The following DHX38 variants were observed in gnomAD, a reference collection of about 807,000 sequenced individuals.
The protein encoded by DHX38 is DEAH-box helicase 38.
Under a neutral mutation model 153.1 loss-of-function variants are expected in DHX38, and 100 were observed. The ratio of observed to expected loss-of-function variants is 0.65; its 90% CI spans 0.56 to 0.77. DHX38 has a LOEUF of 0.77. DHX38 is among the 30% of genes least tolerant of loss of function. The probability of loss-of-function intolerance (pLI) is 0.00; values close to 1 mark genes in which losing one functional copy is unlikely to be tolerated. For missense variants in DHX38, 1,440 were observed against 1,654.0 expected (o/e 0.87, Z 2.24); for synonymous variants, 650 against 631.7 (o/e 1.03, Z -0.43).
chr16:72,098,514 C>T (rs1426745594), intron 4 of DHX38, 131 bp from the exon 5 acceptor site: 17 of 1,165,416 alleles, frequency 1.5e-5, no homozygotes, highest in South Asian at 6.7e-5. Context: ...CGATCTTAAC[C>T]GTTATAGATA....
At chr16:72,097,579 C>T in intron 3 of DHX38, 98 bp from the exon 4 acceptor site, 1 of 1,156,450 alleles carries the variant, frequency 8.6e-7, no homozygotes, top group South Asian at 1.3e-5. Context: ...GCAGGTTGCA[C>T]CTGTGAGTGA....
chr16:72,096,503 G>T, intron 2 of DHX38, 23 bp downstream of exon 2: 1 of 1,573,052 alleles, frequency 6.4e-7, no homozygotes, highest in Non-Finnish European at 8.6e-7. Flanking sequence ...GTATGGGTTA[G>T]CCCAGAGGGA....
In DHX38 at chr16:72,104,936, C is replaced by T; in HGVS notation, c.2152-91C>T. 5 of 1,295,934 alleles carry T rather than the reference C, an allele frequency of 3.9e-6. No individual in the cohort carries two copies. In the South Asian group the frequency reaches 5.6e-5, roughly 14 times the overall value. The allele number at this position is 1,295,934 out of a possible 1,614,324, so 80.3% of individuals were successfully genotyped here. A position where few individuals can be genotyped will look rare whatever the true frequency, so the allele number is the denominator to read the frequency against. On this transcript the variant is annotated intron_variant, in intron 15 of 26. Transcript: ENST00000268482. The surrounding 1 kb of genome is among the most constrained non-coding windows in gnomAD (Gnocchi z 4.5). ...GCCCTCAAAGTCCATGGCTCCATTC[C>T]AGAGCAGTGCCTGGGCCACTGGGCT...
rs1231648948 is a variant in DHX38, at chr16:72,103,938, A to C, written c.1825-8A>C. On this transcript the variant is annotated splice_polypyrimidine_tract_variant and splice_region_variant and intron_variant, in intron 13 of 26. Coordinates refer to ENST00000268482, the MANE Select transcript of DHX38 (RefSeq NM_014003.4). ...CCAGGGCATCTGAGCCATCTCTCTG[A>C]CCTCCAGGTGGGCTATGCCATCCGC... 1.9e-6 allele frequency: 3 copies of C among 1,613,096 alleles called. No individual in the cohort carries two copies. In the Admixed American group the frequency reaches 5.0e-5, roughly 27 times the overall value.
At chr16:72,101,696 T>C (rs1258829229) in intron 11 of DHX38, 84 bp downstream of exon 11, 6 of 1,103,646 alleles carry the variant, frequency 5.4e-6, no homozygotes, top group African/African-American at 1.6e-5. Flanking sequence ...CCCATCGACT[T>C]TGTGGCTCCT....
intron 26 of DHX38, 171 bp from the exon 27 acceptor site, chr16:72,112,242 G>A: frequency 1.6e-6 from 1 of 630,766 alleles, no homozygotes; most frequent in Non-Finnish European, 2.8e-6. Flanking sequence ...TACATCGCCA[G>A]TCGAACATGG....
In DHX38 at chr16:72,108,439, G is replaced by C. The variant is rs774236964; in HGVS notation, c.3121-34G>C. The C allele has an allele frequency of 3.7e-6, 6 of 1,613,572 alleles. No individual in the cohort carries two copies. In the Admixed American group the frequency reaches 8.3e-5, roughly 22 times the overall value. On this transcript the variant is annotated intron_variant, in intron 22 of 26. Coordinates refer to ENST00000268482, the MANE Select transcript of DHX38 (RefSeq NM_014003.4). The stretch of plus-strand genomic sequence containing the variant: ...GAGGGGAGGGTCGAGAGGAAAGGAG[G>C]GCTCCCTCCTGGTGCCTCCGTCTCC...
chr16:72,100,041 G>C (rs2042079637), intron 8 of DHX38, among the ~76,000 whole-genome samples, 154 bp downstream of exon 8: 1 of 152,184 alleles, frequency 6.6e-6, no homozygotes, highest in African/African-American at 2.4e-5. Flanking sequence ...TGGGTGATGA[G>C]CCTTTTAGTA....
At chr16:72,099,692 A>G (rs752574461) in intron 7 of DHX38, 40 bp from the exon 8 acceptor site, 1 of 1,609,926 alleles carries the variant, frequency 6.2e-7, no homozygotes, top group African/African-American at 1.3e-5. Context: ...CATAAACTTG[A>G]TCTGTCCCTC....
At position 72,107,029 on chromosome 16, in the gene DHX38, C is replaced by T. The variant is rs1009237999; in HGVS notation, c.2601-311C>T. Among the ~76,000 whole-genome samples, 3 of 151,864 alleles carry T rather than the reference C, an allele frequency of 2.0e-5. No homozygotes were observed. Among genetic ancestry groups the T allele is most frequent in the Admixed American group, 6.6e-5 (1 of 15,250 alleles). On this transcript the variant is annotated intron_variant, in intron 19 of 26. Coordinates refer to ENST00000268482, the MANE Select transcript of DHX38 (RefSeq NM_014003.4). This position sits in a 1 kb window ranked among gnomAD's most constrained non-coding sequence, Gnocchi z 5.3. The stretch of plus-strand genomic sequence containing the variant: ...ACTAAAAATACAAAAATCAGCTGGG[C>T]GTGGTGGCGGATGCCTGTAGTCCCA...
intron 25 of DHX38, among the ~76,000 whole-genome samples, chr16:72,109,959 C>T (rs1237753036): frequency 2.0e-5 from 3 of 152,200 alleles, no homozygotes; most frequent in Non-Finnish European, 2.9e-5. Flanking sequence ...TTAAATATAA[C>T]CTCTGTGCCG....
At chr16:72,109,229 A>T (rs760403942) in intron 24 of DHX38, among the ~76,000 whole-genome samples, 186 bp from the exon 25 acceptor site, 26 of 152,102 alleles carry the variant, frequency 1.7e-4, no homozygotes, top group Non-Finnish European at 1.8e-4. Flanking sequence ...TTTCTTTTAG[A>T]TACTGGGGGC....
At chr16:72,098,611 G>C in intron 4 of DHX38, 34 bp from the exon 5 acceptor site, 3 of 1,609,892 alleles carry the variant, frequency 1.9e-6, no homozygotes, top group Non-Finnish European at 1.7e-6. Context: ...GGTTAAGTGA[G>C]ATGTTTCCTG....
Position 72,103,606 on chromosome 16 carries a change from A to C in DHX38, c.1642A>C (p.Asn548His). 1 of 1,607,608 alleles carries C rather than the reference A, an allele frequency of 6.2e-7. No homozygotes were observed. Among genetic ancestry groups the C allele is most frequent in the Non-Finnish European group, 8.5e-7 (1 of 1,174,456 alleles). The change falls in exon 13 of 27, where the codon AAC becomes CAC. Residue 548 changes from asparagine to histidine, a missense_variant. This residue lies in a region of DHX38 where 241 missense variants were observed against 229.5 expected (regional missense o/e 1.05). Transcript: ENST00000268482. ...TTTGCCTGCTTGTCCTTGTAGAGAC[A>C]ACAGCATCGTGATCGTGGTTGGGGA... The part of the protein sequence containing the change: ...QQELLTIIRD[N>H]SIVIVVGETG...
At chr16:72,108,131 A>T (rs1411030346) in intron 21 of DHX38, 96 bp from the exon 22 acceptor site, 5 of 1,372,934 alleles carry the variant, frequency 3.6e-6, no homozygotes, top group East Asian at 4.6e-5. Context: ...TTGAAGTTCT[A>T]TGTGTGGGTA....
In DHX38 at chr16:72,108,139, G is replaced by A; in HGVS notation, c.2965-88G>A. The A allele has an allele frequency of 4.2e-6, 6 of 1,432,422 alleles. No homozygotes were observed. In the Admixed American group the frequency reaches 5.8e-5, roughly 14 times the overall value. 88.7% of individuals were successfully genotyped at this position (1,432,422 alleles called of 1,614,324 possible). A position where few individuals can be genotyped will look rare whatever the true frequency, so the allele number is the denominator to read the frequency against. ...GACATGTTTGAAGTTCTATGTGTGGGTAGGTGGTAGTGTTAGAACCTCTGG... is the reference window on the plus strand; with the variant it reads ...GACATGTTTGAAGTTCTATGTGTGGATAGGTGGTAGTGTTAGAACCTCTGG... On this transcript the variant is annotated intron_variant, in intron 21 of 26. Transcript: ENST00000268482.
intron 1 of DHX38, among the ~76,000 whole-genome samples, 166 bp from the exon 2 acceptor site, chr16:72,095,973 G>C (rs1433707687): frequency 6.6e-6 from 1 of 152,012 alleles, no homozygotes; most frequent in Non-Finnish European, 1.5e-5. Flanking sequence ...TTTGGAGATA[G>C]GCAGTGACTT....
chr16:72,110,646 C>T (rs1401254292), intron 25 of DHX38, among the ~76,000 whole-genome samples: 1 of 152,248 alleles, frequency 6.6e-6, no homozygotes, highest in African/African-American at 2.4e-5. Flanking sequence ...CAGGTAATCA[C>T]ATCTTCCCTG....
At chr16:72,110,894 G>T in intron 25 of DHX38, 62 bp from the exon 26 acceptor site, 1 of 1,513,900 alleles carries the variant, frequency 6.6e-7, no homozygotes, top group East Asian at 2.5e-5. Context: ...CTTGGGTGCC[G>T]ACGAGGCCTC....
Sources: gnomAD v4.1 joint callset for allele counts (sites outside exome capture counted in the v4.1 genomes callset) on GRCh38, gnomAD v4.1.1 for gene constraint, gnomAD v4.1.1 regional missense constraint, Gnocchi (gnomAD v3.1) non-coding constraint, MANE v1.5 for transcripts, NCBI Gene and HGNC (gene_info 2026-07-23, HGNC 2026-07-21) for gene names.